The following EPS15L1 variants were observed in gnomAD, a reference collection of about 807,000 sequenced individuals.
EPS15L1 encodes epidermal growth factor receptor substrate 15-like 1.
A neutral mutation model predicts 117.1 loss-of-function variants in EPS15L1; 43 were observed. The observed-to-expected ratio is 0.37, with a 90% confidence interval of 0.29 to 0.47. The LOEUF (loss-of-function observed/expected upper bound fraction) is 0.47, where lower values mean the gene tolerates loss of function less well. EPS15L1 is among the 20% of genes least tolerant of loss of function. The pLI is 0.99. For synonymous variants in EPS15L1, 459 were observed against 470.5 expected (o/e 0.98, Z 0.32); for missense variants, 981 against 1,164.0 (o/e 0.84, Z 2.29).
At chr19:16,406,234 G>A (rs968849025) in intron 13 of EPS15L1, among the ~76,000 whole-genome samples, 1 of 152,184 alleles carries the variant, frequency 6.6e-6, no homozygotes, top group Admixed American at 6.5e-5. Flanking sequence ...GCCTCAGGAA[G>A]CTGGGGTCTC....
intron 4 of EPS15L1, among the ~76,000 whole-genome samples, chr19:16,438,732 A>G (rs569534913): frequency 3.3e-5 from 5 of 152,058 alleles, no homozygotes; most frequent in South Asian, 4.2e-4. Flanking sequence ...GGATCTCACT[A>G]TGTTGCCCAG....
At chr19:16,444,092 AGTACAGAG>A (rs2093059605) in intron 1 of EPS15L1, among the ~76,000 whole-genome samples, 1 of 150,336 alleles carries the variant, frequency 6.7e-6, no homozygotes. Flanking sequence ...AAGAAGTGAA[AGTACAGAG>A]AAAACTACCA....
At position 16,388,014 on chromosome 19, in the gene EPS15L1, A is replaced by T. The variant is rs117865880; in HGVS notation, c.2104-1783T>A. ...GAAAATTGGGCAGAAAAAACAAATT[A>T]GGAGAACTGACAGCTGAAAGCTTAC... On this transcript the variant is annotated intron_variant, in intron 19 of 23. Transcript: ENST00000455140. Among the ~76,000 whole-genome samples, 967 of 152,340 alleles carry T rather than the reference A, an allele frequency of 6.3e-3. 2 individuals are homozygous for T. The highest frequency in any genetic ancestry group is 0.01 in the Middle Eastern group (3 of 294).
intron 7 of EPS15L1, among the ~76,000 whole-genome samples, chr19:16,430,803 G>C (rs1039993177): frequency 1.3e-5 from 2 of 152,210 alleles, no homozygotes; most frequent in Non-Finnish European, 2.9e-5. Flanking sequence ...GGACACACGG[G>C]GACATGGCAG....
intron 1 of EPS15L1, among the ~76,000 whole-genome samples, chr19:16,455,931 T>TG (rs2093191087): frequency 6.6e-6 from 1 of 152,196 alleles, no homozygotes; most frequent in Admixed American, 6.5e-5. Flanking sequence ...CCAGGCGCAG[T>TG]GGATCACACC....
At chr19:16,417,782 G>A in intron 11 of EPS15L1, 145 bp from the exon 12 acceptor site, 1 of 1,183,542 alleles carries the variant, frequency 8.4e-7, no homozygotes, top group Non-Finnish European at 1.2e-6. Flanking sequence ...CCTGCCTGGG[G>A]AAATACCTGG....
chr19:16,361,023 T>C (rs1030330373), intron 23 of EPS15L1, among the ~76,000 whole-genome samples: 7 of 152,178 alleles, frequency 4.6e-5, no homozygotes, highest in Non-Finnish European at 8.8e-5. Flanking sequence ...AAGATTTTCA[T>C]GTATCAAGGA....
rs1307009589 is a variant in EPS15L1 at position 16,400,850 on chromosome 19, A to C, written c.1791+1471T>G. On this transcript the variant is annotated intron_variant, in intron 16 of 23. Coordinates refer to ENST00000455140, the MANE Select transcript of EPS15L1 (RefSeq NM_001258374.3). The stretch of plus-strand genomic sequence containing the variant: ...CTGGCCACTTGCAAACTGCCACTTC[A>C]CTGCCAACTTTTATCCAAGAAAACC... The C allele has an allele frequency of 4.1e-6, 4 of 985,322 alleles. No individual in the cohort carries two copies. In the African/African-American group the frequency reaches 7.0e-5, roughly 17 times the overall value. The allele number at this position is 985,322 out of a possible 1,614,324, so 61.0% of individuals were successfully genotyped here.
In EPS15L1 at chr19:16,355,710, C is replaced by T. The variant is rs773540636; in HGVS notation, c.2728G>A (p.Ala910Thr). 9 of 1,535,566 alleles carry T rather than the reference C, an allele frequency of 5.9e-6. No individual in the cohort carries two copies. The highest frequency in any genetic ancestry group is 5.5e-5 in the African/African-American group (4 of 73,174). The change falls in exon 24 of 24, where the codon GCC becomes ACC. Residue 910 changes from alanine to threonine, a missense_variant. By Grantham distance (58) the Ala-to-Thr change is moderately conservative. This residue lies in a region of EPS15L1 where 819 missense variants were observed against 949.0 expected (regional missense o/e 0.86). Transcript: ENST00000455140. ...IALSKADMPA[A>T] ...CGCCTACACACGGCCCTCGCCTAGGCGGCAGGCATGTCAGCCTTGCTGAGC... is the reference window on the plus strand; with the variant it reads ...CGCCTACACACGGCCCTCGCCTAGGTGGCAGGCATGTCAGCCTTGCTGAGC...
intron 21 of EPS15L1, among the ~76,000 whole-genome samples, chr19:16,382,012 C>G (rs1018221910): frequency 2.0e-5 from 3 of 152,266 alleles, no homozygotes; most frequent in Non-Finnish European, 4.4e-5. Context: ...CGCAATAGGA[C>G]CCGGGCAATA....
At position 16,438,187 on chromosome 19, in the gene EPS15L1, T is replaced by C. The variant is rs543753379; in HGVS notation, c.214-322A>G. ...GGCCAACATGGCGAAACCTCATTTC[T>C]ACTAAAAACATAAAAATCAGCCAGG... On this transcript the variant is annotated intron_variant, in intron 4 of 23. Transcript: ENST00000455140. Among the ~76,000 whole-genome samples the C allele has an allele frequency of 7.9e-5, 12 of 152,120 alleles. No individual in the cohort carries two copies. The South Asian group carries it at 2.5e-3, about 32-fold the overall frequency.
At position 16,405,752 on chromosome 19, in the gene EPS15L1, C is replaced by T. The variant is rs1417001540; in HGVS notation, c.1267-1003G>A. Among the ~76,000 whole-genome samples the T allele has an allele frequency of 6.6e-6, 1 of 152,228 alleles. No individual in the cohort carries two copies. Among genetic ancestry groups the T allele is most frequent in the Non-Finnish European group, 1.5e-5 (1 of 68,034 alleles). On this transcript the variant is annotated intron_variant, in intron 13 of 23. Coordinates refer to ENST00000455140, the MANE Select transcript of EPS15L1 (RefSeq NM_001258374.3). The surrounding 1 kb of genome is among the most constrained non-coding windows in gnomAD (Gnocchi z 4.0). ...TGCATCAACCTTTCTGGAAGGCCCC[C>T]TCCAGGAGCTCATGAACAGCACCTC...
Position 16,404,762 on chromosome 19 carries a change from T to C in EPS15L1, c.1267-13A>G. ...CATTTTGTAATTCCTAGGGAGGAGT[T>C]GCAGGGGTTTACGTGAGGATGGGAA... On this transcript the variant is annotated splice_polypyrimidine_tract_variant and intron_variant, in intron 13 of 23. Transcript: ENST00000455140. This position sits in a 1 kb window ranked among gnomAD's most constrained non-coding sequence, Gnocchi z 4.2. The C allele has an allele frequency of 6.2e-7, 1 of 1,613,922 alleles. No individual in the cohort carries two copies. The highest frequency in any genetic ancestry group is 8.5e-7 in the Non-Finnish European group (1 of 1,179,862).
chr19:16,437,092 T>C, intron 5 of EPS15L1, 93 bp from the exon 6 acceptor site: 1 of 1,138,328 alleles, frequency 8.8e-7, no homozygotes, highest in South Asian at 1.3e-5. Flanking sequence ...TTCAAAGTGC[T>C]TTCAAAAAAG....
chr19:16,434,666 C>A, intron 6 of EPS15L1, 176 bp from the exon 7 acceptor site: 1 of 633,446 alleles, frequency 1.6e-6, no homozygotes, highest in East Asian at 2.9e-5. Flanking sequence ...TGAACATATA[C>A]CCTGAAGGAA....
intron 12 of EPS15L1, 87 bp downstream of exon 12, chr19:16,417,465 C>A: frequency 2.6e-6 from 3 of 1,161,818 alleles, no homozygotes; most frequent in Non-Finnish European, 3.8e-6. Context: ...GAGCAAACTT[C>A]CAGGTGAGCC....
chr19:16,397,337 C>T (rs985925798), intron 16 of EPS15L1, among the ~76,000 whole-genome samples: 5 of 152,046 alleles, frequency 3.3e-5, no homozygotes, highest in Admixed American at 6.6e-5. Flanking sequence ...TAATCCACCC[C>T]CCTCGGCCTC....
rs563499020 is a variant in EPS15L1 at position 16,401,238 on chromosome 19, G to A, written c.1791+1083C>T. On this transcript the variant is annotated intron_variant, in intron 16 of 23. Transcript: ENST00000455140. Reference sequence around the variant, plus strand: ...CCAGACACAAGAGACAGATGAGCTCGCCAGCAGTGCCTTCCCAGCAGCCCA... The same window carrying A: ...CCAGACACAAGAGACAGATGAGCTCACCAGCAGTGCCTTCCCAGCAGCCCA... The A allele has an allele frequency of 2.7e-4, 265 of 985,490 alleles. 2 individuals carry two copies. In the South Asian group the frequency reaches 4.6e-3, roughly 17 times the overall value. 61.0% of individuals were successfully genotyped at this position (985,490 alleles called of 1,614,324 possible). A position where few individuals can be genotyped will look rare whatever the true frequency, so the allele number is the denominator to read the frequency against.
intron 6 of EPS15L1, chr19:16,436,473 C>G (rs145306253): frequency 1.3e-5 from 2 of 153,504 alleles, no homozygotes; most frequent in African/African-American, 4.8e-5. Flanking sequence ...TTTCACAAAG[C>G]AATCAGAACA....
Sources: allele counts gnomAD v4.1 joint callset (sites outside exome capture counted in the v4.1 genomes callset), GRCh38; gene constraint gnomAD v4.1.1; regional missense constraint gnomAD v4.1.1; non-coding constraint Gnocchi (gnomAD v3.1); transcripts MANE v1.5; gene names NCBI Gene and HGNC (gene_info 2026-07-23, HGNC 2026-07-21).